Variants in CACNA2D1 observed in about 807,000 individuals in gnomAD.
The protein encoded by CACNA2D1 is voltage-dependent calcium channel subunit alpha-2/delta-1.
Under a neutral mutation model 171.5 loss-of-function variants are expected in CACNA2D1, and 53 were observed. The ratio of observed to expected loss-of-function variants is 0.31; its 90% CI spans 0.25 to 0.39. The LOEUF is 0.39. CACNA2D1 is among the 10% of genes least tolerant of loss of function. The pLI is 1.00. For synonymous variants in CACNA2D1, 442 were observed against 443.1 expected (o/e 1.00, Z 0.03); for missense variants, 903 against 1,299.8 (o/e 0.69, Z 4.69).
At chr7:82,208,021 T>C (rs1053195668) in intron 3 of CACNA2D1, among the ~76,000 whole-genome samples, 3 of 152,158 alleles carry the variant, frequency 2.0e-5, no homozygotes, top group African/African-American at 4.8e-5. Context: ...CATATCACAT[T>C]CTGACTTGCT....
intron 3 of CACNA2D1, among the ~76,000 whole-genome samples, chr7:82,303,692 T>G (rs1386108265): frequency 6.6e-6 from 1 of 152,054 alleles, no homozygotes; most frequent in African/African-American, 2.4e-5. Flanking sequence ...GGCCCCTATC[T>G]TTCACCATAT....
At chr7:81,973,506 A>G (rs760117827) in intron 25 of CACNA2D1, among the ~76,000 whole-genome samples, 3 of 151,992 alleles carry the variant, frequency 2.0e-5, no homozygotes, top group Non-Finnish European at 4.4e-5. Context: ...GATAACTGAT[A>G]AAGTGCTTTG....
intron 5 of CACNA2D1, among the ~76,000 whole-genome samples, chr7:82,122,720 T>C (rs1284903265): frequency 6.6e-6 from 1 of 152,208 alleles, no homozygotes; most frequent in Non-Finnish European, 1.5e-5. Context: ...CACTATGTGA[T>C]TTTTACAGAG....
At chr7:82,312,598 C>A (rs553530801) in intron 3 of CACNA2D1, among the ~76,000 whole-genome samples, 1 of 150,764 alleles carries the variant, frequency 6.6e-6, no homozygotes, top group Non-Finnish European at 1.5e-5. Flanking sequence ...CTAACTGCAA[C>A]CTCTGCCTCC....
At chr7:82,337,729 G>T (rs1818166279) in intron 2 of CACNA2D1, among the ~76,000 whole-genome samples, 1 of 152,072 alleles carries the variant, frequency 6.6e-6, no homozygotes, top group East Asian at 1.9e-4. Context: ...TGCAAAACTG[G>T]CCTTCGTTTT....
chr7:82,364,524 TAA>T (rs1180610731), intron 1 of CACNA2D1, among the ~76,000 whole-genome samples: 1 of 152,190 alleles, frequency 6.6e-6, no homozygotes, highest in African/African-American at 2.4e-5. Context: ...TAAATGCCAC[TAA>T]AATGAGAAAT....
chr7:82,312,946 T>C (rs753719330), intron 3 of CACNA2D1, among the ~76,000 whole-genome samples: 10 of 152,160 alleles, frequency 6.6e-5, no homozygotes, highest in Admixed American at 3.3e-4. Context: ...GTCCAGACAT[T>C]AGCCTTTGTT....
intron 3 of CACNA2D1, among the ~76,000 whole-genome samples, chr7:82,179,181 C>G (rs748459042): frequency 3.3e-5 from 5 of 151,982 alleles, no homozygotes; most frequent in Non-Finnish European, 7.4e-5. Context: ...ACACCCTAAT[C>G]CATGTAATTC....
chr7:82,059,676 G>A (rs1020507602), intron 10 of CACNA2D1, among the ~76,000 whole-genome samples: 5 of 151,728 alleles, frequency 3.3e-5, no homozygotes, highest in African/African-American at 4.8e-5. Context: ...AACTCAAAAA[G>A]GCTCCTGGCA....
At chr7:82,257,399 T>C (rs143125860) in intron 3 of CACNA2D1, among the ~76,000 whole-genome samples, 180 of 152,322 alleles carry the variant, frequency 1.2e-3, no homozygotes, top group African/African-American at 4.2e-3. Flanking sequence ...CAATCATCTA[T>C]TTTCAGGGAA....
chr7:82,185,174 CAAAT>C (rs1200610459), intron 3 of CACNA2D1, among the ~76,000 whole-genome samples: 1 of 151,962 alleles, frequency 6.6e-6, no homozygotes, highest in Non-Finnish European at 1.5e-5. Context: ...GGATATGTGT[CAAAT>C]AACCAATTAA....
At chr7:82,342,431 C>T (rs1818786991) in intron 2 of CACNA2D1, among the ~76,000 whole-genome samples, 1 of 152,040 alleles carries the variant, frequency 6.6e-6, no homozygotes. Context: ...TCAGGCTTTG[C>T]TGGGAATGTG....
chr7:82,021,035 T>G (rs1163621193), intron 12 of CACNA2D1: 1 of 152,148 alleles, frequency 6.6e-6, no homozygotes, highest in East Asian at 1.9e-4. Context: ...ATATTTTTAA[T>G]TCACTAGCAA....
At chr7:82,358,173 T>C (rs560718081) in intron 1 of CACNA2D1, among the ~76,000 whole-genome samples, 9 of 152,296 alleles carry the variant, frequency 5.9e-5, no homozygotes, top group African/African-American at 1.9e-4. Flanking sequence ...CCACTTGCTA[T>C]AAATACCCTA....
chr7:82,262,341 C>G (rs985409717), intron 3 of CACNA2D1, among the ~76,000 whole-genome samples: 5 of 151,910 alleles, frequency 3.3e-5, no homozygotes, highest in African/African-American at 1.2e-4. Context: ...AAAAATCAAT[C>G]CATCCATCCA....
rs376099398 is a variant in CACNA2D1, at chr7:82,244,793, G to A, written c.295-74184C>T. On this transcript the variant is annotated intron_variant, in intron 3 of 38. Transcript: ENST00000356860. ...AGTGTCCTCTAAAATTTTCTCCATG[G>A]ACAGTAGTGCTTAATTTTTTTTAAG... Among the ~76,000 whole-genome samples, 7 of 152,068 alleles carry A rather than the reference G, an allele frequency of 4.6e-5. No homozygotes were observed. The East Asian group carries it at 1.4e-3, about 29-fold the overall frequency.
intron 3 of CACNA2D1, among the ~76,000 whole-genome samples, chr7:82,241,037 G>A (rs903782681): frequency 1.3e-5 from 2 of 151,770 alleles, no homozygotes; most frequent in African/African-American, 2.4e-5. Context: ...AATATTTTAC[G>A]ATTTTAACTG....
At chr7:82,264,670 A>G (rs776104702) in intron 3 of CACNA2D1, among the ~76,000 whole-genome samples, 12 of 152,216 alleles carry the variant, frequency 7.9e-5, no homozygotes, top group Non-Finnish European at 1.8e-4. Context: ...GGGAAAGCAT[A>G]TCAGTTGAAT....
intron 3 of CACNA2D1, among the ~76,000 whole-genome samples, chr7:82,189,434 A>G (rs1482443205): frequency 6.6e-6 from 1 of 151,964 alleles, no homozygotes; most frequent in Non-Finnish European, 1.5e-5. Flanking sequence ...CCAAATATGC[A>G]TTACCTATTC....
Sources: gnomAD v4.1 joint callset for allele counts (sites outside exome capture counted in the v4.1 genomes callset) on GRCh38, gnomAD v4.1.1 for gene constraint, MANE v1.5 for transcripts, NCBI Gene and HGNC (gene_info 2026-07-23, HGNC 2026-07-21) for gene names.